Variants in PLEKHA4 observed in about 807,000 individuals in gnomAD.
PLEKHA4 encodes pleckstrin homology domain-containing family A member 4.
A neutral mutation model predicts 94.7 loss-of-function variants in PLEKHA4; 73 were observed. The ratio of observed to expected loss-of-function variants is 0.77; its 90% CI spans 0.64 to 0.94. PLEKHA4 has a LOEUF of 0.94. Ranked by LOEUF, PLEKHA4 falls within the 40% of genes least tolerant of loss-of-function variation. The pLI is 0.00. For synonymous variants in PLEKHA4, 449 were observed against 437.1 expected (o/e 1.03, Z -0.34); for missense variants, 1,049 against 1,054.1 (o/e 1.00, Z 0.07).
intron 17 of PLEKHA4, among the ~76,000 whole-genome samples, chr19:48,839,820 C>T (rs1041441350): frequency 1.3e-5 from 2 of 151,580 alleles, no homozygotes; most frequent in South Asian, 2.1e-4. Flanking sequence ...TCTAAGGGGC[C>T]GGGTCTGGTG....
chr19:48,861,800 G>C (rs1382904805), intron 3 of PLEKHA4, 108 bp from the exon 4 acceptor site: 7 of 977,398 alleles, frequency 7.2e-6, no homozygotes, highest in Non-Finnish European at 1.1e-5. Context: ...AACTTGGAGA[G>C]AGGAGAACAG....
intron 9 of PLEKHA4, 118 bp downstream of exon 9, chr19:48,857,303 CA>C (rs2036459611): frequency 1.7e-6 from 1 of 576,526 alleles, no homozygotes; most frequent in African/African-American, 2.0e-5. Context: ...AATACCTACC[CA>C]GGGTCTTTGA....
chr19:48,862,959 C>T (rs139931768), intron 3 of PLEKHA4, among the ~76,000 whole-genome samples: 5 of 152,324 alleles, frequency 3.3e-5, no homozygotes, highest in African/African-American at 1.2e-4. Context: ...GCTGCAGAGA[C>T]TTAGTCCAAT....
In PLEKHA4 at chr19:48,851,477, G is replaced by A. The variant is rs187634978; in HGVS notation, c.1425+751C>T. Among the ~76,000 whole-genome samples, 21 of 151,360 alleles carry A rather than the reference G, an allele frequency of 1.4e-4. 1 individual carries two copies. The highest frequency in any genetic ancestry group is 8.3e-4 in the South Asian group (4 of 4,800). On this transcript the variant is annotated intron_variant, in intron 13 of 19. Transcript: ENST00000263265. ...ACTAAAAATACAAAATTAGCTGGGCGTGGTGGCGGGCACCTGTAATCCCAG... is the reference window on the plus strand; with the variant it reads ...ACTAAAAATACAAAATTAGCTGGGCATGGTGGCGGGCACCTGTAATCCCAG...
intron 9 of PLEKHA4, 31 bp downstream of exon 9, chr19:48,857,391 C>T (rs10418715): frequency 0.015 from 15,132 of 1,043,088 alleles, 188 homozygotes; most frequent in South Asian, 0.046. Context: ...GAGGGGGCTC[C>T]GGTAGATTTA....
Position 48,838,064 on chromosome 19 carries a change from G to A in PLEKHA4, c.2030C>T (p.Ser677Phe). 6.2e-7 allele frequency: 1 copy of A among 1,613,688 alleles called. No homozygotes were observed. The highest frequency in any genetic ancestry group is 1.1e-5 in the South Asian group (1 of 91,046). Residue 677 changes from serine (S) to phenylalanine (F), a missense_variant, in exon 19 of 20, where the codon TCC (serine) becomes TTC (phenylalanine). Coordinates refer to ENST00000263265, the MANE Select transcript of PLEKHA4 (RefSeq NM_020904.3). ...EGHRERVLSL[S>F]QALATEASQW... ...CGACGCCTCAGTAGCCAGGGCTTGG[G>A]AGAGGCTGAGAACCCGCTCCCGGTG...
chr19:48,854,313 T>C lies in PLEKHA4; in HGVS notation c.1048-49A>G, dbSNP rs775451392. On this transcript the variant is annotated intron_variant, in intron 9 of 19. Coordinates refer to ENST00000263265, the MANE Select transcript of PLEKHA4 (RefSeq NM_020904.3). ...GGGTCAAAGGGGACAGGCTGGTCAT[T>C]CTTGTAACTCAGTGCTGAGCCACGC... The C allele has an allele frequency of 1.2e-5, 18 of 1,543,966 alleles. No individual in the cohort carries two copies. In the South Asian group the frequency reaches 1.9e-4, roughly 16 times the overall value.
intron 13 of PLEKHA4, among the ~76,000 whole-genome samples, chr19:48,848,663 G>T (rs2036067149): frequency 6.6e-6 from 1 of 151,272 alleles, no homozygotes; most frequent in South Asian, 2.1e-4. Flanking sequence ...CGGGGGTGGT[G>T]GTGCATGCCT....
In PLEKHA4 at chr19:48,854,268, A is replaced by C. The variant is rs1460384325; in HGVS notation, c.1048-4T>G. The C allele has an allele frequency of 2.4e-5, 38 of 1,614,012 alleles. No homozygotes were observed. The highest frequency in any genetic ancestry group is 3.2e-5 in the Non-Finnish European group (38 of 1,179,866). ...TTGACTCCAGGGGAGGACCCGGCTG[A>C]AGAGAAGGAAAAAAGTCAGGGGTCA... On this transcript the variant is annotated splice_polypyrimidine_tract_variant and splice_region_variant and intron_variant, in intron 9 of 19. Coordinates refer to ENST00000263265, the MANE Select transcript of PLEKHA4 (RefSeq NM_020904.3).
At chr19:48,839,134 A>G in intron 18 of PLEKHA4, 71 bp downstream of exon 18, 2 of 1,074,446 alleles carry the variant, frequency 1.9e-6, no homozygotes, top group South Asian at 3.1e-5. Flanking sequence ...GACTTTAATA[A>G]TAATGCTACT....
intron 3 of PLEKHA4, among the ~76,000 whole-genome samples, chr19:48,862,283 C>T (rs112990538): frequency 6.8e-4 from 102 of 150,688 alleles, no homozygotes; most frequent in African/African-American, 2.4e-3. Context: ...TCACGGCAAC[C>T]TCTGCCTCCC....
chr19:48,857,174 T>C (rs2036453946), intron 9 of PLEKHA4, among the ~76,000 whole-genome samples: 1 of 152,016 alleles, frequency 6.6e-6, no homozygotes, highest in Non-Finnish European at 1.5e-5. Flanking sequence ...CTTAGAACCT[T>C]CAGTGGAAGT....
At chr19:48,863,627 A>G (rs1365487252) in intron 3 of PLEKHA4, among the ~76,000 whole-genome samples, 2 of 149,302 alleles carry the variant, frequency 1.3e-5, no homozygotes, top group Non-Finnish European at 3.0e-5. Flanking sequence ...TTTAGTAGAG[A>G]TGGGGGTTCA....
chr19:48,852,433 G>A, intron 12 of PLEKHA4, 107 bp from the exon 13 acceptor site: 1 of 839,346 alleles, frequency 1.2e-6, no homozygotes, highest in Non-Finnish European at 2.0e-6. Context: ...TTTGGTCCCT[G>A]GAGCCCTGCA....
In PLEKHA4 at chr19:48,841,134, C is replaced by A. The variant is rs2035746908; in HGVS notation, c.1905+15G>T. 1 of 1,601,970 alleles carries A rather than the reference C, an allele frequency of 6.2e-7. No homozygotes were observed. The highest frequency in any genetic ancestry group is 8.5e-7 in the Non-Finnish European group (1 of 1,174,292). ...CTACCACCCCACCGCCCAGCCCCAG[C>A]CCTCCTCCCCTCACCCTTTGCTCCA... On this transcript the variant is annotated intron_variant, in intron 17 of 19. Transcript: ENST00000263265.
At chr19:48,863,511 A>C (rs534874639) in intron 3 of PLEKHA4, among the ~76,000 whole-genome samples, 2 of 151,054 alleles carry the variant, frequency 1.3e-5, no homozygotes, top group Non-Finnish European at 2.9e-5. Context: ...GCTCGCTGCA[A>C]GCTCCACCTC....
Position 48,853,750 on chromosome 19 carries a change from A to G in PLEKHA4, c.1258T>C (p.Trp420Arg). The change falls in exon 12 of 20, where the codon TGG becomes CGG. Residue 420 changes from tryptophan (W) to arginine (R), a missense_variant. Trp to Arg is a moderately radical substitution (Grantham distance 101). Transcript: ENST00000263265. ...TCCTGCAAGAGGCGCTGGCGACCCC[A>G]GGCCCTCCCGGGAGCCCCAGCCTCC... ...TREAGAPGRA[W>R]GRQRLLQDRL... The G allele has an allele frequency of 3.7e-6, 6 of 1,612,484 alleles. No individual in the cohort carries two copies. Among genetic ancestry groups the G allele is most frequent in the Non-Finnish European group, 5.1e-6 (6 of 1,179,574 alleles).
intron 16 of PLEKHA4, among the ~76,000 whole-genome samples, chr19:48,843,655 T>C (rs968674708): frequency 4.6e-5 from 7 of 151,526 alleles, no homozygotes; most frequent in African/African-American, 1.7e-4. Flanking sequence ...TAACTTTTTA[T>C]TTTTTATTTT....
intron 5 of PLEKHA4, 53 bp downstream of exon 5, chr19:48,861,348 C>T: frequency 6.9e-7 from 1 of 1,454,478 alleles, no homozygotes; most frequent in Non-Finnish European, 9.6e-7. Context: ...TATCTACCCG[C>T]CCTCATCTCC....
Sources: gnomAD v4.1 joint callset for allele counts (sites outside exome capture counted in the v4.1 genomes callset) on GRCh38, gnomAD v4.1.1 for gene constraint, MANE v1.5 for transcripts, NCBI Gene and HGNC (gene_info 2026-07-23, HGNC 2026-07-21) for gene names.